C1R: variants seen among roughly 807,000 people sequenced by gnomAD.
C1R encodes complement C1r subcomponent.
In C1R, 15 loss-of-function variants were observed where a neutral mutation model predicts 27.6. The observed-to-expected ratio is 0.54, with a 90% CI of 0.36 to 0.84. C1R has a LOEUF of 0.84. Ranked by LOEUF, C1R falls within the 40% of genes least tolerant of loss-of-function variation. The pLI is 0.01. For synonymous variants in C1R, 253 were observed against 228.8 expected, an observed-to-expected ratio of 1.11 and a Z score of -0.95; for missense variants, 544 against 577.9, an observed-to-expected ratio of 0.94 and a Z score of 0.60.
chr12:7,090,225 C>T lies in C1R; in HGVS notation c.255G>A (p.Leu85=), dbSNP rs779572553. The change falls in exon 3 of 11, where the codon CTG becomes CTA. Residue 85 remains leucine, a synonymous_variant. Coordinates refer to ENST00000647956, the MANE Select transcript of C1R (RefSeq NM_001733.7). Reference sequence around the variant, plus strand: ...AACCCAGTTGCCCACAGAACCTCCCCAGGCTTTTCTTATCAGCAGAGATCT... The same window carrying T: ...AACCCAGTTGCCCACAGAACCTCCCTAGGCTTTTCTTATCAGCAGAGATCT... ...YVKISADKKS[L]GRFCGQLGSP... 3.2e-4 allele frequency: 237 copies of T among 738,042 alleles called. 3 individuals are homozygous for T. The highest frequency in any genetic ancestry group is 2.9e-4 in the Non-Finnish European group (114 of 394,940). 45.7% of individuals were successfully genotyped at this position (738,042 alleles called of 1,614,324 possible). A position where few individuals can be genotyped will look rare whatever the true frequency, so the allele number is the denominator to read the frequency against.
Position 7,090,004 on chromosome 12 carries a change from C to G in C1R, c.424+52G>C. 4.2e-6 allele frequency: 3 copies of G among 718,006 alleles called. No homozygotes were observed. The South Asian group carries it at 4.5e-5, about 11-fold the overall frequency. 44.5% of individuals were successfully genotyped at this position (718,006 alleles called of 1,614,324 possible). On this transcript the variant is annotated intron_variant, in intron 3 of 10. Transcript: ENST00000647956. Reference sequence around the variant, plus strand: ...ATTCAAGATTCCCTTTCTTGGCCCCCCATTCAATATGGCTGAGGTCAGAGA... The same window carrying G: ...ATTCAAGATTCCCTTTCTTGGCCCCGCATTCAATATGGCTGAGGTCAGAGA...
intron 9 of C1R, among the ~76,000 whole-genome samples, chr12:7,083,600 G>A (rs1265653994): frequency 1.3e-5 from 2 of 151,094 alleles, no homozygotes; most frequent in South Asian, 4.2e-4. Context: ...ACTGTTGGTG[G>A]TGATGATGAC....
intron 7 of C1R, chr12:7,086,785 C>T (rs1397649129): frequency 2.5e-5 from 5 of 199,932 alleles, no homozygotes; most frequent in Admixed American, 1.8e-4. Flanking sequence ...TCACAAGCCA[C>T]GTTTGAGTGT....
chr12:7,088,504 C>T (rs752771346), intron 7 of C1R, 106 bp downstream of exon 7: 10 of 717,026 alleles, frequency 1.4e-5, no homozygotes, highest in African/African-American at 5.2e-5. Context: ...CCAGCTGAAA[C>T]GTCTACGACT....
rs1312797146 is a variant in C1R, at chr12:7,091,853, T to G, written c.3-173A>C. ...GGGTGCGTGGGTGGGGAGGATGGCC[T>G]GTGCAGCTGCTGCATCGGGTCACTC... is the stretch of plus-strand genomic sequence containing the variant. On this transcript the variant is annotated intron_variant, in intron 1 of 10. Transcript: ENST00000647956. This position sits in a 1 kb window ranked among gnomAD's most constrained non-coding sequence, Gnocchi z 5.1. 1 of 699,124 alleles carries G rather than the reference T, an allele frequency of 1.4e-6. No homozygotes were observed. Among genetic ancestry groups the G allele is most frequent in the Non-Finnish European group, 2.6e-6 (1 of 383,228 alleles). The allele number at this position is 699,124 out of a possible 1,614,324, so 43.3% of individuals were successfully genotyped here.
chr12:7,087,771 C>T (rs1938177987), intron 7 of C1R: 1 of 154,336 alleles, frequency 6.5e-6, no homozygotes, highest in Non-Finnish European at 1.5e-5. Context: ...ACTGAACCTC[C>T]CACATCTAGG....
Position 7,081,174 on chromosome 12 carries a change from CA to C in C1R, c.1475del (p.Leu492ArgfsTer39). 1 of 1,613,950 alleles carries C rather than the reference CA, an allele frequency of 6.2e-7. No homozygotes were observed. The highest frequency in any genetic ancestry group is 8.5e-7 in the Non-Finnish European group (1 of 1,179,844). On this transcript the variant is annotated frameshift_variant, in exon 11 of 11. Coordinates refer to ENST00000647956, the MANE Select transcript of C1R (RefSeq NM_001733.7). LOFTEE classifies it low-confidence loss of function (END_TRUNC). ...CAGCTGTGAGGATCCAGCGGTCGCC[CA>C]GCAGGGCCCCGCCCCCGCGCCCGTG... ...NIHGRGGGALLGDRWILTAAH... is the reference protein window; with the variant it reads ...NIHGRGGGALXGDRWILTAAH...
intron 9 of C1R, among the ~76,000 whole-genome samples, chr12:7,083,416 A>G (rs1938100986): frequency 1.3e-5 from 2 of 151,582 alleles, no homozygotes; most frequent in African/African-American, 4.8e-5. Flanking sequence ...TGGTGGTGAT[A>G]ATGGTAGTGA....
chr12:7,089,822 TA>T, intron 3 of C1R, 89 bp from the exon 4 acceptor site: 1 of 730,180 alleles, frequency 1.4e-6, no homozygotes. Context: ...ACCAGAGACC[TA>T]AAGACAAAGG....
intron 7 of C1R, chr12:7,087,134 G>A (rs1938169199): frequency 6.6e-6 from 1 of 152,340 alleles, no homozygotes; most frequent in African/African-American, 2.4e-5. Context: ...GGGGGCTGAG[G>A]TGGGCGGATC....
At chr12:7,088,125 T>C (rs1286102813) in intron 7 of C1R, among the ~76,000 whole-genome samples, 1 of 152,202 alleles carries the variant, frequency 6.6e-6, no homozygotes, top group African/African-American at 2.4e-5. Context: ...CGCTACGTGA[T>C]GTTGACGAGT....
intron 10 of C1R, 59 bp downstream of exon 10, chr12:7,081,973 T>C: frequency 7.0e-7 from 1 of 1,436,864 alleles, no homozygotes. Context: ...CCACACTGCT[T>C]TTGAGGCCCT....
intron 2 of C1R, among the ~76,000 whole-genome samples, chr12:7,090,651 C>T (rs991454285): frequency 3.3e-5 from 5 of 152,188 alleles, no homozygotes; most frequent in African/African-American, 1.2e-4. Context: ...GATTCCACCT[C>T]AGCCTAATCA....
rs1938033453 is a variant in C1R, at chr12:7,080,487, T to G, written c.*45A>C. ...ACTGGTCAGTTGTTTTTTGTTTTTT[T>G]TTTTCCACACTGCTCTCTGGATTCG... On this transcript the variant is annotated 3_prime_UTR_variant, in exon 11 of 11. Transcript: ENST00000647956. This position sits in a 1 kb window ranked among gnomAD's most constrained non-coding sequence, Gnocchi z 4.9. The G allele has an allele frequency of 2.0e-6, 3 of 1,510,634 alleles. No individual in the cohort carries two copies. Among genetic ancestry groups the G allele is most frequent in the Non-Finnish European group, 2.7e-6 (3 of 1,130,680 alleles). 93.6% of individuals were successfully genotyped at this position (1,510,634 alleles called of 1,614,324 possible). A position where few individuals can be genotyped will look rare whatever the true frequency, so the allele number is the denominator to read the frequency against.
At chr12:7,086,853 T>C (rs1938164581) in intron 7 of C1R, 2 of 156,866 alleles carry the variant, frequency 1.3e-5, no homozygotes, top group South Asian at 4.1e-4. Flanking sequence ...CTCTTGCTGG[T>C]GTCCCCTGCC....
At position 7,090,102 on chromosome 12, in the gene C1R, C is replaced by T. The variant is rs1210221840; in HGVS notation, c.378G>A (p.Gly126=). Residue 126 remains glycine (G), a synonymous_variant, in exon 3 of 11, where the codon GGG becomes GGA. Coordinates refer to ENST00000647956, the MANE Select transcript of C1R (RefSeq NM_001733.7). ...GGAAGCCCTTGTAGAACATGATGGT[C>T]CCATTCTCCTCGTTGGAGAAGTCTG... ...FHTDFSNEEN[G]TIMFYKGFLA... 2.6e-6 allele frequency: 2 copies of T among 778,112 alleles called. No homozygotes were observed. The highest frequency in any genetic ancestry group is 2.7e-5 in the South Asian group (2 of 73,776). 48.2% of individuals were successfully genotyped at this position (778,112 alleles called of 1,614,324 possible). A position where few individuals can be genotyped will look rare whatever the true frequency, so the allele number is the denominator to read the frequency against.
intron 10 of C1R, 75 bp downstream of exon 10, chr12:7,081,949 CTCCTTTTT>C: frequency 8.6e-7 from 1 of 1,165,308 alleles, no homozygotes; most frequent in Non-Finnish European, 1.2e-6. Context: ...TCTCCTCTCT[CTCCTTTTT>C]CTGGGCCACA....
Position 7,081,200 on chromosome 12 carries a change from G to A in C1R, c.1450C>T (p.His484Tyr). Residue 484 changes from histidine (H) to tyrosine (Y), a missense_variant, in exon 11 of 11, where the codon CAC becomes TAC. His to Tyr is a moderately conservative substitution (Grantham distance 83, BLOSUM62 2). Around this residue, in one of 2 missense-constraint regions of C1R, gnomAD observed 253 missense variants for 368.9 expected, o/e 0.69. Transcript: ENST00000647956. ...NFPWQVFTNI[H>Y]GRGGGALLGD... is the part of the protein sequence containing the mutation. ...AGCAGGGCCCCGCCCCCGCGCCCGTGGATGTTGGTGAACACCTGCCAGGGG... is the reference window on the plus strand; with the variant it reads ...AGCAGGGCCCCGCCCCCGCGCCCGTAGATGTTGGTGAACACCTGCCAGGGG... The A allele has an allele frequency of 6.2e-7, 1 of 1,613,586 alleles. No homozygotes were observed.
At position 7,080,608 on chromosome 12, in the gene C1R, C is replaced by T; in HGVS notation, c.2042G>A (p.Ser681Asn). The change falls in exon 11 of 11, where the codon AGC becomes AAC. Residue 681 changes from serine (S) to asparagine (N), a missense_variant. By Grantham distance (46) the Ser-to-Asn change is conservative (BLOSUM62 1). Around this residue, in one of 2 missense-constraint regions of C1R, gnomAD observed 253 missense variants for 368.9 expected, o/e 0.69. Coordinates refer to ENST00000647956, the MANE Select transcript of C1R (RefSeq NM_001733.7). This position sits in a 1 kb window ranked among gnomAD's most constrained non-coding sequence, Gnocchi z 4.9. The part of the protein sequence containing the change: ...TGIVSWGIGC[S>N]RGYGFYTKVL... ...TTTGGTGTAGAAGCCATAGCCCCTG[C>T]TGCACCCGATGCCCCAGGACACGAT... 6.2e-7 allele frequency: 1 copy of T among 1,613,218 alleles called. No individual in the cohort carries two copies. Among genetic ancestry groups the T allele is most frequent in the Non-Finnish European group, 8.5e-7 (1 of 1,179,372 alleles).
Sources: gnomAD v4.1 joint callset for allele counts (sites outside exome capture counted in the v4.1 genomes callset) on GRCh38, gnomAD v4.1.1 for gene constraint, gnomAD v4.1.1 regional missense constraint, Gnocchi (gnomAD v3.1) non-coding constraint, MANE v1.5 for transcripts, NCBI Gene and HGNC (gene_info 2026-07-23, HGNC 2026-07-21) for gene names.